DOK6: variants seen among roughly 807,000 people sequenced by gnomAD.
DOK6 encodes the protein downstream of tyrosine kinase 6.
In DOK6, 22 loss-of-function variants were observed where a neutral mutation model predicts 44.0. The ratio of observed to expected loss-of-function variants is 0.50; its 90% CI spans 0.36 to 0.71. The LOEUF (loss-of-function observed/expected upper bound fraction) is 0.71. Ranked by LOEUF, DOK6 falls within the 30% of genes least tolerant of loss-of-function variation. The pLI is 0.00. For synonymous variants in DOK6, 166 were observed against 145.5 expected (o/e 1.14, Z -1.01); for missense variants, 340 against 416.4 (o/e 0.82, Z 1.60).
chr18:69,429,297 A>G (rs973231584), intron 1 of DOK6, among the ~76,000 whole-genome samples: 11 of 152,014 alleles, frequency 7.2e-5, no homozygotes, highest in African/African-American at 2.7e-4. Flanking sequence ...GAAAACTTCT[A>G]ATTTAAGAAT....
intron 7 of DOK6, among the ~76,000 whole-genome samples, chr18:69,825,148 C>T (rs1981702505): frequency 6.6e-6 from 1 of 152,114 alleles, no homozygotes; most frequent in African/African-American, 2.4e-5. Flanking sequence ...GGTATAGAGA[C>T]TTGTGTGCAG....
chr18:69,575,146 G>C (rs542563791), intron 2 of DOK6, among the ~76,000 whole-genome samples: 3 of 152,026 alleles, frequency 2.0e-5, no homozygotes, highest in Admixed American at 1.3e-4. Context: ...AACTGACTGT[G>C]TATAGGGGAA....
intron 3 of DOK6, among the ~76,000 whole-genome samples, chr18:69,603,729 C>T (rs1201535443): frequency 2.1e-5 from 3 of 146,148 alleles, no homozygotes; most frequent in Non-Finnish European, 4.5e-5. Context: ...CGAGATCGCG[C>T]CACTGCACTC....
At chr18:69,824,869 G>T (rs771662573) in intron 7 of DOK6, among the ~76,000 whole-genome samples, 4 of 152,178 alleles carry the variant, frequency 2.6e-5, no homozygotes, top group Non-Finnish European at 5.9e-5. Context: ...CATATCCAGG[G>T]TATGATTCTT....
At chr18:69,757,036 CTAT>C (rs774556573) in intron 6 of DOK6, among the ~76,000 whole-genome samples, 43 of 152,220 alleles carry the variant, frequency 2.8e-4, no homozygotes, top group Non-Finnish European at 5.1e-4. Context: ...CCAATGTAAA[CTAT>C]TATTTTCTTT....
intron 2 of DOK6, among the ~76,000 whole-genome samples, chr18:69,574,572 G>A (rs779877681): frequency 1.3e-5 from 2 of 151,972 alleles, no homozygotes; most frequent in Non-Finnish European, 2.9e-5. Context: ...GTGACCACAA[G>A]TACTGAAAAG....
intron 6 of DOK6, among the ~76,000 whole-genome samples, chr18:69,748,029 C>A (rs544552149): frequency 9.2e-5 from 14 of 151,916 alleles, no homozygotes; most frequent in African/African-American, 3.1e-4. Context: ...CACATAGACT[C>A]AAAATAAAAG....
At chr18:69,489,722 C>T (rs1193028704) in intron 1 of DOK6, among the ~76,000 whole-genome samples, 1 of 151,860 alleles carries the variant, frequency 6.6e-6, no homozygotes, top group East Asian at 1.9e-4. Context: ...TATCGAAAGC[C>T]CTGTTCAGAT....
At chr18:69,655,287 AAT>A in intron 3 of DOK6, among the ~76,000 whole-genome samples, 1 of 152,158 alleles carries the variant, frequency 6.6e-6, no homozygotes, top group Non-Finnish European at 1.5e-5. Flanking sequence ...TATAAGAAAA[AAT>A]AGACATTATA....
Position 69,662,437 on chromosome 18 carries a change from TA to T in DOK6, c.290-15295del, listed in dbSNP as rs1599249774. 3 of 152,226 alleles carry T rather than the reference TA, an allele frequency of 2.0e-5. No individual in the cohort carries two copies. In the East Asian group the frequency reaches 5.8e-4, roughly 29 times the overall value. 9.4% of individuals were successfully genotyped at this position (152,226 alleles called of 1,614,324 possible). On this transcript the variant is annotated intron_variant, in intron 3 of 7. Transcript: ENST00000382713. ...TTATTACTCTCTTTACCTCGATTTT[TA>T]ATAAAGAAAGCACTTTGAAAATGTT...
At chr18:69,552,066 T>G (rs1000231817) in intron 1 of DOK6, among the ~76,000 whole-genome samples, 2 of 152,200 alleles carry the variant, frequency 1.3e-5, no homozygotes, top group Non-Finnish European at 2.9e-5. Context: ...GTTATATAAA[T>G]TAGGAGAGGA....
intron 2 of DOK6, among the ~76,000 whole-genome samples, chr18:69,597,431 A>T (rs900421505): frequency 6.6e-6 from 1 of 152,186 alleles, no homozygotes; most frequent in African/African-American, 2.4e-5. Context: ...CTCTTTAAAG[A>T]TATCTGATTG....
intron 3 of DOK6, among the ~76,000 whole-genome samples, chr18:69,654,437 A>T (rs1985311191): frequency 6.6e-6 from 1 of 152,214 alleles, no homozygotes; most frequent in Admixed American, 6.5e-5. Context: ...TTTGACATTG[A>T]CATTGAGTCG....
intron 1 of DOK6, among the ~76,000 whole-genome samples, chr18:69,483,061 G>A (rs1195606101): frequency 6.6e-6 from 1 of 151,572 alleles, no homozygotes; most frequent in African/African-American, 2.4e-5. Context: ...CCTCCGACAG[G>A]CCCCAGTGTG....
intron 1 of DOK6, among the ~76,000 whole-genome samples, chr18:69,408,466 T>C (rs1291990177): frequency 1.3e-5 from 2 of 152,122 alleles, no homozygotes; most frequent in Non-Finnish European, 2.9e-5. Context: ...AGAGCACCTT[T>C]CAAAATTTAC....
chr18:69,792,435 GT>G (rs941641327), intron 7 of DOK6, among the ~76,000 whole-genome samples: 19 of 151,396 alleles, frequency 1.3e-4, no homozygotes, highest in African/African-American at 3.4e-4. Context: ...GTGTTTTACG[GT>G]TTTTTTTGTA....
chr18:69,815,254 G>A (rs1981364698), intron 7 of DOK6, among the ~76,000 whole-genome samples: 1 of 152,294 alleles, frequency 6.6e-6, no homozygotes, highest in African/African-American at 2.4e-5. Context: ...TAGAGATGTA[G>A]AGATACTTCA....
chr18:69,409,462 A>G (rs1978297569), intron 1 of DOK6, among the ~76,000 whole-genome samples: 1 of 152,182 alleles, frequency 6.6e-6, no homozygotes, highest in African/African-American at 2.4e-5. Context: ...TACATATATA[A>G]TGTGCTATAT....
chr18:69,797,138 G>T (rs1325775415), intron 7 of DOK6, among the ~76,000 whole-genome samples: 1 of 152,074 alleles, frequency 6.6e-6, no homozygotes. Context: ...CTTTACACCT[G>T]CACAAAACCT....
Sources: gnomAD v4.1 joint callset for allele counts (sites outside exome capture counted in the v4.1 genomes callset) on GRCh38, gnomAD v4.1.1 for gene constraint, MANE v1.5 for transcripts, NCBI Gene and HGNC (gene_info 2026-07-23, HGNC 2026-07-21) for gene names.